CCAR1: variants seen among roughly 807,000 people sequenced by gnomAD.
CCAR1 encodes cell division cycle and apoptosis regulator protein 1.
In CCAR1, 78 loss-of-function variants were observed where a neutral mutation model predicts 163.8. The ratio of observed to expected loss-of-function variants is 0.48; its 90% CI spans 0.40 to 0.57. CCAR1 has a LOEUF of 0.57. Among genes scored for constraint, CCAR1 ranks in the 20% least tolerant of loss-of-function variants. CCAR1 has a pLI of 0.00. For synonymous variants in CCAR1, 443 were observed against 460.7 expected (o/e 0.96, Z 0.49); for missense variants, 1,019 against 1,365.2 (o/e 0.75, Z 4.00).
At chr10:68,723,073 C>T (rs1304434004) in intron 2 of CCAR1, among the ~76,000 whole-genome samples, 1 of 151,614 alleles carries the variant, frequency 6.6e-6, no homozygotes, top group Non-Finnish European at 1.5e-5. Flanking sequence ...GTAGTTTGGA[C>T]AGTTTTGTAG....
chr10:68,791,562 G>A lies in CCAR1; in HGVS notation c.*296G>A, dbSNP rs1438950489. 3.8e-5 allele frequency: 7 copies of A among 183,998 alleles called. No homozygotes were observed. The highest frequency in any genetic ancestry group is 6.8e-5 in the Non-Finnish European group (6 of 88,568). The allele number at this position is 183,998 out of a possible 1,614,324, so 11.4% of individuals were successfully genotyped here. On this transcript the variant is annotated 3_prime_UTR_variant, in exon 25 of 25. Transcript: ENST00000265872. ...AAGTTCATCAGTTTAATTGACTGTAGTATTTAATTACCAAATTTCTTTTAT... is the reference window on the plus strand; with the variant it reads ...AAGTTCATCAGTTTAATTGACTGTAATATTTAATTACCAAATTTCTTTTAT...
Position 68,792,094 on chromosome 10 carries a change from A to T in CCAR1, c.*828A>T, listed in dbSNP as rs1170442695. On this transcript the variant is annotated 3_prime_UTR_variant, in exon 25 of 25. Transcript: ENST00000265872. ...CTCAAAAAGAAAAAAAAAAAAAATC[A>T]GTTTATTTGAAAGACAGTATATCAG... 1 of 151,936 alleles carries T rather than the reference A, an allele frequency of 6.6e-6. No homozygotes were observed. Among genetic ancestry groups the T allele is most frequent in the Non-Finnish European group, 1.5e-5 (1 of 68,028 alleles). 9.4% of individuals were successfully genotyped at this position (151,936 alleles called of 1,614,324 possible).
intron 8 of CCAR1, among the ~76,000 whole-genome samples, 162 bp from the exon 9 acceptor site, chr10:68,748,974 G>A (rs866637453): frequency 3.3e-5 from 5 of 152,086 alleles, no homozygotes; most frequent in South Asian, 4.2e-4. Flanking sequence ...CACCGCAGCC[G>A]GCCAGTACCT....
At chr10:68,752,879 A>T (rs923392933) in intron 10 of CCAR1, among the ~76,000 whole-genome samples, 1 of 137,176 alleles carries the variant, frequency 7.3e-6, no homozygotes, top group Admixed American at 8.0e-5. Flanking sequence ...TGTAGATAGG[A>T]TAGAATAGAT....
At chr10:68,790,199 C>CA (rs1437430372) in intron 24 of CCAR1, among the ~76,000 whole-genome samples, 2 of 151,444 alleles carry the variant, frequency 1.3e-5, no homozygotes, top group South Asian at 2.1e-4. Flanking sequence ...ACTAAAAATA[C>CA]AAAAAAAATT....
intron 2 of CCAR1, among the ~76,000 whole-genome samples, chr10:68,726,087 C>T (rs1329613848): frequency 2.0e-5 from 3 of 148,756 alleles, no homozygotes; most frequent in African/African-American, 7.5e-5. Flanking sequence ...ATATTCCAGC[C>T]TGGGTGACAG....
chr10:68,788,337 C>A lies in CCAR1; in HGVS notation c.3187+9C>A, dbSNP rs190532117. The A allele has an allele frequency of 1.9e-6, 3 of 1,545,582 alleles. No individual in the cohort carries two copies. Among genetic ancestry groups the A allele is most frequent in the African/African-American group, 1.4e-5 (1 of 72,228 alleles). ...ACTAGAAGAAAAAACAGGTAAGGGTCAGCTTTGAATATGTTAATACTTTCA... is the reference window on the plus strand; with the variant it reads ...ACTAGAAGAAAAAACAGGTAAGGGTAAGCTTTGAATATGTTAATACTTTCA... On this transcript the variant is annotated intron_variant, in intron 23 of 24. Coordinates refer to ENST00000265872, the MANE Select transcript of CCAR1 (RefSeq NM_018237.4).
At chr10:68,788,520 C>A (rs991768170) in intron 23 of CCAR1, among the ~76,000 whole-genome samples, 192 bp downstream of exon 23, 1 of 152,182 alleles carries the variant, frequency 6.6e-6, no homozygotes, top group Non-Finnish European at 1.5e-5. Flanking sequence ...GGGTCTCACT[C>A]CGTTACCCAA....
intron 10 of CCAR1, among the ~76,000 whole-genome samples, chr10:68,752,935 G>A (rs1478297390): frequency 7.1e-6 from 1 of 140,096 alleles, no homozygotes; most frequent in African/African-American, 2.8e-5. Flanking sequence ...TAGATAGATA[G>A]ATAGATTCTG....
In CCAR1 at chr10:68,786,957, C is replaced by T. The variant is rs572628868; in HGVS notation, c.2880+265C>T. 4 of 258,172 alleles carry T rather than the reference C, an allele frequency of 1.5e-5. No individual in the cohort carries two copies. The East Asian group carries it at 3.4e-4, about 22-fold the overall frequency. 16.0% of individuals were successfully genotyped at this position (258,172 alleles called of 1,614,324 possible). On this transcript the variant is annotated intron_variant, in intron 21 of 24. Transcript: ENST00000265872. ...AAAATTAGCTGGGTGTGGTGGCACA[C>T]GCCTGTAATCCCAGCTACTCGGGAA...
intron 16 of CCAR1, 76 bp from the exon 17 acceptor site, chr10:68,765,801 GATATATATTCA>G (rs1479540334): frequency 5.9e-6 from 5 of 852,110 alleles, no homozygotes; most frequent in African/African-American, 3.4e-5. Context: ...TTATTTATGA[GATATATATTCA>G]ATATATATTC....
intron 11 of CCAR1, among the ~76,000 whole-genome samples, chr10:68,754,513 T>C (rs946852655): frequency 1.3e-5 from 2 of 152,188 alleles, no homozygotes; most frequent in African/African-American, 4.8e-5. Context: ...TTATAAGGTA[T>C]CTAGGCCTGG....
At chr10:68,732,514 T>A (rs2056054871) in intron 2 of CCAR1, among the ~76,000 whole-genome samples, 1 of 152,036 alleles carries the variant, frequency 6.6e-6, no homozygotes, top group Non-Finnish European at 1.5e-5. Context: ...CATGCCCAGC[T>A]AACTTTTGTG....
At position 68,789,898 on chromosome 10, in the gene CCAR1, C is replaced by T; in HGVS notation, c.3376C>T (p.His1126Tyr). 6.3e-7 allele frequency: 1 copy of T among 1,576,792 alleles called. No individual in the cohort carries two copies. The highest frequency in any genetic ancestry group is 8.6e-7 in the Non-Finnish European group (1 of 1,165,746). Residue 1126 changes from histidine to tyrosine, a missense_variant, in exon 24 of 25, where the codon CAC becomes TAC. By Grantham distance (83) the His-to-Tyr change is moderately conservative. Transcript: ENST00000265872. ...CTTATCTACGGTAATGGATGAAATC[C>T]ACACTGTTCTCAAGAAGGTGAGAAA... ...RNLSTVMDEI[H>Y]TVLKKDNVKN...
chr10:68,722,411 T>A (rs760787800), intron 1 of CCAR1, 44 bp from the exon 2 acceptor site: 1 of 935,420 alleles, frequency 1.1e-6, no homozygotes, highest in Admixed American at 1.7e-5. Flanking sequence ...TTGTGATATC[T>A]GTAGCTTGGT....
At chr10:68,746,020 T>C (rs2056249585) in intron 6 of CCAR1, among the ~76,000 whole-genome samples, 1 of 152,032 alleles carries the variant, frequency 6.6e-6, no homozygotes, top group African/African-American at 2.4e-5. Flanking sequence ...TCGCCCAGGC[T>C]GGAGTGCAGT....
intron 6 of CCAR1, among the ~76,000 whole-genome samples, chr10:68,744,304 G>T (rs1007037113): frequency 1.3e-5 from 2 of 152,172 alleles, no homozygotes; most frequent in Admixed American, 6.6e-5. Context: ...TTTGTTTGAC[G>T]TGTCTAATGA....
At chr10:68,740,690 G>A in intron 5 of CCAR1, 29 bp downstream of exon 5, 2 of 1,579,618 alleles carry the variant, frequency 1.3e-6, no homozygotes, top group Non-Finnish European at 1.7e-6. Context: ...ATTTGTTTTG[G>A]ATGTCTGAAT....
chr10:68,785,749 G>T (rs1409377670), intron 19 of CCAR1, among the ~76,000 whole-genome samples: 3 of 152,120 alleles, frequency 2.0e-5, no homozygotes, highest in Admixed American at 2.0e-4. Context: ...AGATTGATTA[G>T]CAGCCATTCC....
Sources: gnomAD v4.1 joint callset for allele counts (sites outside exome capture counted in the v4.1 genomes callset) on GRCh38, gnomAD v4.1.1 for gene constraint, MANE v1.5 for transcripts, NCBI Gene and HGNC (gene_info 2026-07-23, HGNC 2026-07-21) for gene names.